Variants in HS6ST3 observed in about 807,000 individuals in gnomAD.
HS6ST3 encodes the protein heparan sulfate 6-O-sulfotransferase 3, also known as heparan-sulfate 6-O-sulfotransferase 3.
A neutral mutation model predicts 36.7 loss-of-function variants in HS6ST3; 12 were observed. That is an observed-to-expected ratio of 0.33 (90% CI 0.21 to 0.53). HS6ST3 has a LOEUF of 0.53. HS6ST3 is among the 20% of genes least tolerant of loss of function. The probability of loss-of-function intolerance (pLI) is 0.95; values close to 1 mark genes in which losing one functional copy is unlikely to be tolerated. For synonymous variants in HS6ST3, 240 were observed against 257.5 expected (o/e 0.93, Z 0.65); for missense variants, 584 against 640.9 (o/e 0.91, Z 0.96).
intron 1 of HS6ST3, among the ~76,000 whole-genome samples, chr13:96,777,209 T>TGACAAAG (rs1200753191): frequency 6.6e-6 from 1 of 152,166 alleles, no homozygotes; most frequent in East Asian, 1.9e-4. Context: ...ATAAGGGCTA[T>TGACAAAG]TCATGACAAA....
intron 1 of HS6ST3, among the ~76,000 whole-genome samples, chr13:96,437,808 C>A (rs1251308511): frequency 6.6e-6 from 1 of 152,204 alleles, no homozygotes; most frequent in African/African-American, 2.4e-5. Flanking sequence ...GATGAAAAGG[C>A]ACTTAAATTA....
At chr13:96,152,023 A>G (rs1009043053) in intron 1 of HS6ST3, among the ~76,000 whole-genome samples, 1 of 152,182 alleles carries the variant, frequency 6.6e-6, no homozygotes, top group African/African-American at 2.4e-5. Flanking sequence ...TAGGACTTCA[A>G]TGTATCTTTT....
At chr13:96,359,340 T>C (rs1335127002) in intron 1 of HS6ST3, among the ~76,000 whole-genome samples, 1 of 152,222 alleles carries the variant, frequency 6.6e-6, no homozygotes, top group African/African-American at 2.4e-5. Context: ...GTCAGAGTAT[T>C]GAACAGCTCA....
chr13:96,296,063 T>G (rs2054853689), intron 1 of HS6ST3, among the ~76,000 whole-genome samples: 1 of 152,124 alleles, frequency 6.6e-6, no homozygotes, highest in African/African-American at 2.4e-5. Flanking sequence ...AAATAAAAAT[T>G]AAACAAAAAT....
At chr13:96,286,513 A>C (rs762353016) in intron 1 of HS6ST3, among the ~76,000 whole-genome samples, 5 of 152,198 alleles carry the variant, frequency 3.3e-5, no homozygotes, top group African/African-American at 1.2e-4. Flanking sequence ...CAAAACACAG[A>C]TGAATAGAAT....
chr13:96,386,470 TC>T (rs1335839365), intron 1 of HS6ST3, among the ~76,000 whole-genome samples: 1 of 152,106 alleles, frequency 6.6e-6, no homozygotes, highest in African/African-American at 2.4e-5. Context: ...TTTGTTCTTT[TC>T]CCCCCAGCTT....
intron 1 of HS6ST3, among the ~76,000 whole-genome samples, chr13:96,197,167 A>G (rs573052135): frequency 4.6e-5 from 7 of 152,396 alleles, no homozygotes; most frequent in African/African-American, 1.7e-4. Flanking sequence ...GCTGATAAAG[A>G]CATACCCGAG....
chr13:96,161,510 T>A (rs2054135643), intron 1 of HS6ST3, among the ~76,000 whole-genome samples: 1 of 152,146 alleles, frequency 6.6e-6, no homozygotes, highest in Non-Finnish European at 1.5e-5. Context: ...CCACTAAGAT[T>A]CCTAACATGG....
chr13:96,809,196 C>CT, intron 1 of HS6ST3, among the ~76,000 whole-genome samples: 1 of 152,032 alleles, frequency 6.6e-6, no homozygotes, highest in South Asian at 2.1e-4. Flanking sequence ...ATAATGTATT[C>CT]TTTTTTTTAA....
At chr13:96,183,801 A>G (rs995642280) in intron 1 of HS6ST3, among the ~76,000 whole-genome samples, 2 of 152,198 alleles carry the variant, frequency 1.3e-5, no homozygotes, top group African/African-American at 4.8e-5. Context: ...TTTAACGGGT[A>G]TGAAGTTTCA....
intron 1 of HS6ST3, among the ~76,000 whole-genome samples, chr13:96,714,487 G>C (rs1271627144): frequency 6.6e-6 from 1 of 152,086 alleles, no homozygotes; most frequent in Non-Finnish European, 1.5e-5. Context: ...TAAAGTTTTA[G>C]GATGCCAAGA....
At chr13:96,181,153 C>T (rs937069440) in intron 1 of HS6ST3, among the ~76,000 whole-genome samples, 2 of 152,092 alleles carry the variant, frequency 1.3e-5, no homozygotes, top group Non-Finnish European at 2.9e-5. Flanking sequence ...ATAAGTTACT[C>T]AATATAATCA....
chr13:96,753,568 C>CT (rs1387543514), intron 1 of HS6ST3, among the ~76,000 whole-genome samples: 1 of 152,114 alleles, frequency 6.6e-6, no homozygotes, highest in Non-Finnish European at 1.5e-5. Flanking sequence ...TTGCTAAACT[C>CT]TCTTATTAAT....
intron 1 of HS6ST3, among the ~76,000 whole-genome samples, chr13:96,788,485 T>C (rs569159095): frequency 1.0e-3 from 157 of 152,016 alleles, no homozygotes; most frequent in African/African-American, 3.6e-3. Context: ...TTTGATTGCT[T>C]TCATCAGCCT....
intron 1 of HS6ST3, among the ~76,000 whole-genome samples, chr13:96,243,456 A>G (rs2054570807): frequency 6.6e-6 from 1 of 152,172 alleles, no homozygotes; most frequent in South Asian, 2.1e-4. Flanking sequence ...TATTTTGACT[A>G]ATGAAACTTT....
rs142709229 is a variant in HS6ST3, at chr13:96,421,155, G to T, written c.707+329586G>T. ...AATGTTAACATCAATATTAACAAAT[G>T]ATAAATATTCAATATTTATCATTGA... On this transcript the variant is annotated intron_variant, in intron 1 of 1. Coordinates refer to ENST00000376705, the MANE Select transcript of HS6ST3 (RefSeq NM_153456.4). 7.4e-3 allele frequency among the ~76,000 whole-genome samples: 1,128 copies of T among 152,184 alleles called. 5 individuals are homozygous for T. Among genetic ancestry groups the T allele is most frequent in the Non-Finnish European group, 0.013 (856 of 68,010 alleles).
chr13:96,517,902 T>C lies in HS6ST3; in HGVS notation c.708-314588T>C, dbSNP rs192405899. On this transcript the variant is annotated intron_variant, in intron 1 of 1. Transcript: ENST00000376705. ...TAAATCATTCTACCATAAAGATACA[T>C]GCACGCAAATATTCATTGCACCGCT... Among the ~76,000 whole-genome samples, 523 of 152,302 alleles carry C rather than the reference T, an allele frequency of 3.4e-3. 8 individuals carry two copies. The highest frequency in any genetic ancestry group is 0.018 in the Admixed American group (278 of 15,292).
At chr13:96,299,461 A>G (rs772549084) in intron 1 of HS6ST3, among the ~76,000 whole-genome samples, 11 of 152,180 alleles carry the variant, frequency 7.2e-5, no homozygotes, top group South Asian at 2.1e-4. Flanking sequence ...AAGGTAATGT[A>G]AAAGTCACCA....
chr13:96,219,706 C>T (rs1003551942), intron 1 of HS6ST3, among the ~76,000 whole-genome samples: 9 of 151,560 alleles, frequency 5.9e-5, no homozygotes, highest in South Asian at 2.1e-4. Context: ...TTTTTTGAGA[C>T]GAAGTCTCAC....
Sources: gnomAD v4.1 joint callset for allele counts (sites outside exome capture counted in the v4.1 genomes callset) on GRCh38, gnomAD v4.1.1 for gene constraint, MANE v1.5 for transcripts, NCBI Gene and HGNC (gene_info 2026-07-23, HGNC 2026-07-21) for gene names.